CPNE4: variants seen among roughly 807,000 people sequenced by gnomAD.
The protein encoded by CPNE4 is copine-4.
CPNE4 carries 25 observed loss-of-function variants against 67.9 expected under a neutral mutation model. The observed-to-expected ratio is 0.37, with a 90% CI of 0.27 to 0.51. CPNE4 has a LOEUF of 0.51. Among genes scored for constraint, CPNE4 ranks in the 20% least tolerant of loss-of-function variants. The pLI is 0.93. For synonymous variants in CPNE4, 242 were observed against 244.9 expected (o/e 0.99, Z 0.11); for missense variants, 464 against 690.8 (o/e 0.67, Z 3.68).
At chr3:131,669,481 T>C (rs1378917109) in intron 7 of CPNE4, among the ~76,000 whole-genome samples, 194 bp downstream of exon 7, 1 of 152,186 alleles carries the variant, frequency 6.6e-6, no homozygotes, top group African/African-American at 2.4e-5. Flanking sequence ...GGAATTGATT[T>C]TGGGCTTTCA....
chr3:131,585,751 A>G (rs1445132358), intron 8 of CPNE4, among the ~76,000 whole-genome samples: 1 of 152,196 alleles, frequency 6.6e-6, no homozygotes, highest in African/African-American at 2.4e-5. Context: ...CTAGTTCTGC[A>G]TATTCAATAG....
chr3:131,796,655 A>G (rs2083926647), intron 2 of CPNE4, among the ~76,000 whole-genome samples: 1 of 152,172 alleles, frequency 6.6e-6, no homozygotes, highest in South Asian at 2.1e-4. Context: ...CAGTAAATGA[A>G]TTTAACCTAA....
chr3:131,831,668 C>T (rs2085374263), intron 2 of CPNE4, among the ~76,000 whole-genome samples: 1 of 152,024 alleles, frequency 6.6e-6, no homozygotes, highest in Admixed American at 6.6e-5. Context: ...TATACATTAT[C>T]AGGATAAAAA....
At chr3:131,883,757 A>C (rs1253228151) in intron 2 of CPNE4, among the ~76,000 whole-genome samples, 2 of 152,178 alleles carry the variant, frequency 1.3e-5, no homozygotes, top group Admixed American at 1.3e-4. Context: ...TCTTCACAAA[A>C]TTGTAAATGC....
chr3:131,864,012 T>C (rs569754056), intron 2 of CPNE4, among the ~76,000 whole-genome samples: 3 of 151,784 alleles, frequency 2.0e-5, no homozygotes, highest in South Asian at 4.2e-4. Context: ...GATCAGATAG[T>C]TGTAGATATG....
At chr3:132,035,773 C>T (rs898473908), upstream of CPNE4, among the ~76,000 whole-genome samples, 6 of 152,170 alleles carry the variant, frequency 3.9e-5, no homozygotes, top group Non-Finnish European at 7.3e-5. Context: ...TCTCTCTGCA[C>T]ATTGGTATTG....
At chr3:131,979,422 T>G (rs1320228346) in intron 1 of CPNE4, among the ~76,000 whole-genome samples, 1 of 152,212 alleles carries the variant, frequency 6.6e-6, no homozygotes. Context: ...GACAAGGCTT[T>G]TACCATTATG....
At chr3:131,924,180 G>T (rs1362459073) in intron 1 of CPNE4, among the ~76,000 whole-genome samples, 1 of 152,194 alleles carries the variant, frequency 6.6e-6, no homozygotes, top group East Asian at 1.9e-4. Flanking sequence ...ATAGCCACAT[G>T]ACATATCTTG....
chr3:131,842,184 T>C (rs746759749), intron 2 of CPNE4, among the ~76,000 whole-genome samples: 21 of 152,216 alleles, frequency 1.4e-4, no homozygotes, highest in Non-Finnish European at 2.8e-4. Flanking sequence ...GGTTTTCCAG[T>C]GGCTGAATGT....
intron 10 of CPNE4, among the ~76,000 whole-genome samples, chr3:131,573,070 A>G (rs561619341): frequency 2.6e-5 from 4 of 152,254 alleles, no homozygotes; most frequent in African/African-American, 9.6e-5. Flanking sequence ...TTTGGAAGAA[A>G]ATGACATAGA....
At chr3:131,844,561 G>A (rs939511764) in intron 2 of CPNE4, among the ~76,000 whole-genome samples, 1 of 152,034 alleles carries the variant, frequency 6.6e-6, no homozygotes, top group Non-Finnish European at 1.5e-5. Context: ...GCCCATCTCT[G>A]TATGTTCTTA....
intron 2 of CPNE4, among the ~76,000 whole-genome samples, chr3:131,775,961 C>A (rs1254788720): frequency 6.6e-6 from 1 of 152,120 alleles, no homozygotes; most frequent in Non-Finnish European, 1.5e-5. Context: ...CTTCCTAAGC[C>A]CTCATGCACA....
chr3:131,666,840 G>C (rs77245352), intron 7 of CPNE4, among the ~76,000 whole-genome samples: 2,651 of 152,222 alleles, frequency 0.017, 48 homozygotes, highest in African/African-American at 0.046. Context: ...ATTAAAGGAG[G>C]CTTCAGAGAC....
At chr3:131,905,701 T>A (rs553219128) in intron 1 of CPNE4, among the ~76,000 whole-genome samples, 1 of 152,178 alleles carries the variant, frequency 6.6e-6, no homozygotes, top group Non-Finnish European at 1.5e-5. Context: ...ATTTGCATAG[T>A]AAAATTTTTA....
At chr3:132,036,597 T>A (rs2107710593), upstream of CPNE4, among the ~76,000 whole-genome samples, 1 of 152,282 alleles carries the variant, frequency 6.6e-6, no homozygotes, top group South Asian at 2.1e-4. Context: ...AACTCAAAAT[T>A]TGAATTGGAT....
chr3:131,977,603 C>T (rs1214014116), intron 1 of CPNE4, among the ~76,000 whole-genome samples: 2 of 151,998 alleles, frequency 1.3e-5, no homozygotes, highest in African/African-American at 4.8e-5. Context: ...CAATAGAAAC[C>T]ACTGCTATGG....
At chr3:131,629,463 A>T (rs1174787407) in intron 7 of CPNE4, among the ~76,000 whole-genome samples, 2 of 151,898 alleles carry the variant, frequency 1.3e-5, no homozygotes, top group Non-Finnish European at 2.9e-5. Context: ...CTTTTTTTTG[A>T]CACAGAGTCT....
At chr3:131,974,375 A>G (rs1303972186) in intron 1 of CPNE4, among the ~76,000 whole-genome samples, 1 of 152,220 alleles carries the variant, frequency 6.6e-6, no homozygotes, top group African/African-American at 2.4e-5. Flanking sequence ...ATGCACATGT[A>G]TATACATACA....
chr3:131,832,644 C>G (rs1051784694), intron 2 of CPNE4, among the ~76,000 whole-genome samples: 1 of 152,134 alleles, frequency 6.6e-6, no homozygotes, highest in African/African-American at 2.4e-5. Flanking sequence ...ACATCTGTCC[C>G]ACTATTGTAT....
Sources: gnomAD v4.1 joint callset for allele counts (sites outside exome capture counted in the v4.1 genomes callset) on GRCh38, gnomAD v4.1.1 for gene constraint, MANE v1.5 for transcripts, NCBI Gene and HGNC (gene_info 2026-07-23, HGNC 2026-07-21) for gene names.